Variants in ADGRL2 observed in about 807,000 individuals in gnomAD.
The protein encoded by ADGRL2 is adhesion G protein-coupled receptor L2.
A neutral mutation model predicts 157.4 loss-of-function variants in ADGRL2; 44 were observed. The observed-to-expected ratio is 0.28, with a 90% CI of 0.22 to 0.36. The LOEUF (loss-of-function observed/expected upper bound fraction) is 0.36, where lower values mean the gene tolerates loss of function less well. Among genes scored for constraint, ADGRL2 ranks in the 10% least tolerant of loss-of-function variants. The probability of loss-of-function intolerance (pLI) is 1.00; values close to 1 mark genes in which losing one functional copy is unlikely to be tolerated. For synonymous variants in ADGRL2, 585 were observed against 624.7 expected (o/e 0.94, Z 0.95); for missense variants, 1,510 against 1,768.9 (o/e 0.85, Z 2.63).
intron 3 of ADGRL2, among the ~76,000 whole-genome samples, chr1:81,632,603 CA>C (rs1184423159): frequency 4.6e-5 from 7 of 152,010 alleles, no homozygotes; most frequent in African/African-American, 1.7e-4. Context: ...CTGAAAACTA[CA>C]AAAAATTAGC....
chr1:81,465,952 C>G (rs2078043275), intron 2 of ADGRL2, among the ~76,000 whole-genome samples: 1 of 152,004 alleles, frequency 6.6e-6, no homozygotes, highest in Non-Finnish European at 1.5e-5. Context: ...TAAAACAGAG[C>G]AATTATTTCA....
At chr1:81,722,197 G>A (rs12135651) in intron 1 of ADGRL2, 35,340 of 371,340 alleles carry the variant, frequency 0.095, 1,938 homozygotes, top group South Asian at 0.14. Context: ...GGAGGCTGAG[G>A]CAGGAGAATG....
At chr1:81,498,222 A>C (rs2147995545) in intron 2 of ADGRL2, among the ~76,000 whole-genome samples, 1 of 152,302 alleles carries the variant, frequency 6.6e-6, no homozygotes, top group African/African-American at 2.4e-5. Context: ...TCGTGAAATT[A>C]TCTTGTTATA....
At chr1:81,682,151 C>A (rs1433340541) in intron 3 of ADGRL2, among the ~76,000 whole-genome samples, 1 of 136,446 alleles carries the variant, frequency 7.3e-6, no homozygotes, top group East Asian at 2.0e-4. Context: ...TTTTCTTTGC[C>A]ATTGCAAGAA....
At chr1:81,873,135 T>C (rs1425374339) in intron 2 of ADGRL2, among the ~76,000 whole-genome samples, 3 of 152,120 alleles carry the variant, frequency 2.0e-5, no homozygotes, top group Non-Finnish European at 4.4e-5. Flanking sequence ...CAAGATGGTA[T>C]AGACCACCTG....
intron 1 of ADGRL2, among the ~76,000 whole-genome samples, chr1:81,403,672 TTTAGAGATGCCAAAATGC>T (rs2076802488): frequency 6.6e-6 from 1 of 152,146 alleles, no homozygotes; most frequent in Non-Finnish European, 1.5e-5. Flanking sequence ...GGGTTTAAAA[TTTAGAGATGCCAAAATGC>T]ACATTTACAT....
At chr1:81,608,507 T>C (rs2081478189) in intron 3 of ADGRL2, among the ~76,000 whole-genome samples, 1 of 152,220 alleles carries the variant, frequency 6.6e-6, no homozygotes, top group Non-Finnish European at 1.5e-5. Flanking sequence ...AAATATTGGA[T>C]GAAACAAAAT....
chr1:81,659,031 C>A (rs1199101796), intron 3 of ADGRL2, among the ~76,000 whole-genome samples: 1 of 141,198 alleles, frequency 7.1e-6, no homozygotes, highest in Non-Finnish European at 1.5e-5. Context: ...GGTTTACAGG[C>A]GTGAGCCACC....
intron 1 of ADGRL2, among the ~76,000 whole-genome samples, chr1:81,309,149 C>T (rs563728612): frequency 2.0e-5 from 3 of 152,190 alleles, no homozygotes; most frequent in South Asian, 4.1e-4. Context: ...AAATGATGTG[C>T]GTCATCAGCA....
At chr1:81,646,531 G>A (rs1366718539) in intron 3 of ADGRL2, among the ~76,000 whole-genome samples, 1 of 152,178 alleles carries the variant, frequency 6.6e-6, no homozygotes, top group Non-Finnish European at 1.5e-5. Flanking sequence ...GAAAGGCAAT[G>A]TGGTATGGCT....
At chr1:81,591,843 G>A (rs531940) in intron 3 of ADGRL2, among the ~76,000 whole-genome samples, 143,489 of 152,208 alleles carry the variant, frequency 0.94, 67,650 homozygotes, top group Non-Finnish European at 0.96. Context: ...CAACAATCAC[G>A]TAAGCTTGAA....
At chr1:81,966,233 AC>A in intron 12 of ADGRL2, 50 bp downstream of exon 12, 1 of 1,609,062 alleles carries the variant, frequency 6.2e-7, no homozygotes, top group Non-Finnish European at 8.5e-7. Flanking sequence ...TTGTTCAAAA[AC>A]CTATTAATTC....
At position 81,631,280 on chromosome 1, in the gene ADGRL2, T is replaced by A. The variant is rs1380834745; in HGVS notation, c.-143+50300T>A. Among the ~76,000 whole-genome samples, 3 of 151,974 alleles carry A rather than the reference T, an allele frequency of 2.0e-5. No individual in the cohort carries two copies. In the East Asian group the frequency reaches 5.8e-4, roughly 29 times the overall value. ...TGCCCAGGCTGGAGTGCAGTGGCCC[T>A]ATCAGGGCTCATTGCAACCTCTGCC... On this transcript the variant is annotated intron_variant, in intron 3 of 24. Transcript: ENST00000370721.
At chr1:81,759,579 A>G (rs1439997714) in intron 1 of ADGRL2, among the ~76,000 whole-genome samples, 1 of 152,148 alleles carries the variant, frequency 6.6e-6, no homozygotes, top group Non-Finnish European at 1.5e-5. Flanking sequence ...AGTTTTTTCT[A>G]GTCTTTTACC....
At chr1:81,405,718 T>A (rs914075295) in intron 1 of ADGRL2, among the ~76,000 whole-genome samples, 1 of 151,972 alleles carries the variant, frequency 6.6e-6, no homozygotes, top group East Asian at 1.9e-4. Flanking sequence ...TAATAGGGAT[T>A]ATTTTCATAA....
Position 81,319,195 on chromosome 1 carries a change from C to T in ADGRL2, c.-302+12686C>T, listed in dbSNP as rs543642290. 1.0e-3 allele frequency among the ~76,000 whole-genome samples: 152 copies of T among 152,062 alleles called. 2 individuals carry two copies. Among genetic ancestry groups the T allele is most frequent in the Admixed American group, 3.3e-4 (5 of 15,270 alleles). On this transcript the variant is annotated intron_variant, in intron 1 of 24. Coordinates refer to the ADGRL2 transcript ENST00000370721. ...CTCCCGACCTCAAGTGATCCACCTG[C>T]CTCGGCCTCCCAAAGTGCTGGGATT...
intron 1 of ADGRL2, among the ~76,000 whole-genome samples, chr1:81,313,450 C>T (rs1659886234): frequency 1.3e-5 from 2 of 152,174 alleles, no homozygotes. Flanking sequence ...TGCCTATGGA[C>T]CAGCACGTGT....
intron 11 of ADGRL2, among the ~76,000 whole-genome samples, chr1:81,964,016 TTATC>T (rs569672380): frequency 7.3e-5 from 11 of 151,722 alleles, no homozygotes; most frequent in East Asian, 1.9e-4. Flanking sequence ...TGATATAAAT[TTATC>T]TATTTGTTGG....
At chr1:81,370,942 C>T (rs140884974) in intron 1 of ADGRL2, among the ~76,000 whole-genome samples, 2 of 152,072 alleles carry the variant, frequency 1.3e-5, no homozygotes, top group Admixed American at 6.6e-5. Context: ...TTTTCAATAT[C>T]GTGTGTGACT....
Sources: gnomAD v4.1 joint callset for allele counts (sites outside exome capture counted in the v4.1 genomes callset) on GRCh38, gnomAD v4.1.1 for gene constraint, MANE v1.5 for transcripts, NCBI Gene and HGNC (gene_info 2026-07-23, HGNC 2026-07-21) for gene names.